Variants in ZFHX3 observed in about 807,000 individuals in gnomAD.
The protein encoded by ZFHX3 is zinc finger homeobox protein 3.
A neutral mutation model predicts 279.1 loss-of-function variants in ZFHX3; 42 were observed. The observed-to-expected ratio is 0.15, with a 90% CI of 0.12 to 0.19. ZFHX3 has a LOEUF of 0.19. Among genes scored for constraint, ZFHX3 ranks in the 10% least tolerant of loss-of-function variants. ZFHX3 has a pLI of 1.00. For synonymous variants in ZFHX3, 2,293 were observed against 1,957.8 expected, an observed-to-expected ratio of 1.17 and a Z score of -4.52; for missense variants, 4,981 against 4,754.0, an observed-to-expected ratio of 1.05 and a Z score of -1.40.
At chr16:72,895,722 G>A (rs1475107693) in intron 3 of ZFHX3, among the ~76,000 whole-genome samples, 1 of 152,194 alleles carries the variant, frequency 6.6e-6, no homozygotes, top group Non-Finnish European at 1.5e-5. Flanking sequence ...TACTTGGGAG[G>A]CTGAGGCAGG....
intron 4 of ZFHX3, among the ~76,000 whole-genome samples, chr16:73,268,190 G>A (rs944204761): frequency 6.6e-6 from 1 of 152,120 alleles, no homozygotes; most frequent in Non-Finnish European, 1.5e-5. Flanking sequence ...GGTTTTGTAA[G>A]AAGCATGGTG....
At chr16:72,838,017 G>A (rs1020948248) in intron 4 of ZFHX3, among the ~76,000 whole-genome samples, 4 of 152,176 alleles carry the variant, frequency 2.6e-5, no homozygotes, top group African/African-American at 9.7e-5. Context: ...TGGAGTTTCT[G>A]GACAGCTTGA....
At chr16:72,992,865 G>A (rs535819297) in intron 1 of ZFHX3, among the ~76,000 whole-genome samples, 1 of 152,342 alleles carries the variant, frequency 6.6e-6, no homozygotes, top group South Asian at 2.1e-4. Flanking sequence ...GGCCAGGCGC[G>A]ATGGCCCCTG....
chr16:73,466,279 C>T (rs368101491), intron 2 of ZFHX3, among the ~76,000 whole-genome samples: 3 of 152,068 alleles, frequency 2.0e-5, no homozygotes, highest in Non-Finnish European at 4.4e-5. Context: ...CCCAGGAGTT[C>T]GGTACCAGCC....
intron 2 of ZFHX3, among the ~76,000 whole-genome samples, chr16:73,585,050 G>C (rs953846643): frequency 2.6e-5 from 4 of 152,150 alleles, no homozygotes; most frequent in Non-Finnish European, 5.9e-5. Flanking sequence ...AGTCAGAATG[G>C]CAATTATTAA....
rs141067769 is a variant in ZFHX3 at position 73,415,678 on chromosome 16, CCT to C, written c.-1291+40323_-1291+40324del. Among the ~76,000 whole-genome samples the C allele has an allele frequency of 5.3e-3, 807 of 152,316 alleles. 4 individuals carry two copies. The highest frequency in any genetic ancestry group is 0.018 in the African/African-American group (759 of 41,556). ...CCATTTCCTCCCCTTACTGAATTCC[CCT>C]GTCTGTCCCGTCACCGCCCCATGTT... On this transcript the variant is annotated intron_variant, in intron 3 of 17. Coordinates refer to the ZFHX3 transcript ENST00000641206.
rs575029404 is a variant in ZFHX3, at chr16:73,470,075, G to A, written c.-1546-13817C>T. 6.6e-5 allele frequency among the ~76,000 whole-genome samples: 10 copies of A among 152,274 alleles called. No individual in the cohort carries two copies. In the South Asian group the frequency reaches 1.2e-3, roughly 19 times the overall value. On this transcript the variant is annotated intron_variant, in intron 2 of 17. Transcript: ENST00000641206. The stretch of plus-strand genomic sequence containing the variant: ...ATATTCATCACCTTGGGAGGGCACC[G>A]AAATGCAGATTCTTATTCATGAGGT...
chr16:73,750,987 G>A (rs1162225271), intron 1 of ZFHX3, among the ~76,000 whole-genome samples: 3 of 152,156 alleles, frequency 2.0e-5, no homozygotes, highest in Admixed American at 6.5e-5. Flanking sequence ...ACTGGCCTGG[G>A]CATTTTTCTG....
intron 1 of ZFHX3, among the ~76,000 whole-genome samples, chr16:72,964,582 C>T (rs1179230017): frequency 6.6e-6 from 1 of 151,520 alleles, no homozygotes; most frequent in Non-Finnish European, 1.5e-5. Flanking sequence ...AGTAGGATTG[C>T]TAGAGCCCAG....
At chr16:73,004,848 A>G (rs144346187) in intron 1 of ZFHX3, among the ~76,000 whole-genome samples, 1 of 152,280 alleles carries the variant, frequency 6.6e-6, no homozygotes, top group East Asian at 1.9e-4. Context: ...ATATTAACCT[A>G]TATTTTCTTC....
At chr16:73,078,710 T>C (rs1965912164) in intron 8 of ZFHX3, among the ~76,000 whole-genome samples, 1 of 151,456 alleles carries the variant, frequency 6.6e-6, no homozygotes, top group South Asian at 2.1e-4. Flanking sequence ...AGTGGCGCAA[T>C]CTCCACTCAC....
chr16:72,820,093 C>A (rs780350756), intron 5 of ZFHX3, among the ~76,000 whole-genome samples: 14 of 152,110 alleles, frequency 9.2e-5, no homozygotes, highest in Admixed American at 5.2e-4. Flanking sequence ...CTATGCTAGC[C>A]CCCATTTGCA....
intron 1 of ZFHX3, among the ~76,000 whole-genome samples, chr16:73,762,839 A>C (rs1159560753): frequency 1.3e-5 from 2 of 152,116 alleles, no homozygotes; most frequent in African/African-American, 4.8e-5. Flanking sequence ...TGGAGCAGAG[A>C]GAGGGAGAAC....
intron 4 of ZFHX3, among the ~76,000 whole-genome samples, chr16:73,280,521 A>T (rs184645428): frequency 6.6e-6 from 1 of 152,332 alleles, no homozygotes; most frequent in African/African-American, 2.4e-5. Context: ...ACCATCATTA[A>T]TCATCAGGGA....
intron 3 of ZFHX3, among the ~76,000 whole-genome samples, chr16:73,443,397 A>G (rs917278580): frequency 3.9e-5 from 6 of 152,220 alleles, no homozygotes; most frequent in African/African-American, 1.4e-4. Flanking sequence ...AACGATGTAC[A>G]ACTTATTGCC....
rs185810444 is a variant in ZFHX3, at chr16:72,827,121, C to T, written c.3529+2658G>A. Among the ~76,000 whole-genome samples the T allele has an allele frequency of 5.2e-4, 79 of 152,240 alleles. 1 individual carries two copies. In the East Asian group the frequency reaches 0.012, roughly 23 times the overall value. ...TAGTGCCCTTAGCACACAAAATGCA[C>T]GAAACATACGCACCAAACATCATTC... On this transcript the variant is annotated intron_variant, in intron 5 of 9. Transcript: ENST00000268489.
chr16:73,603,002 C>A (rs2052137306), intron 2 of ZFHX3, among the ~76,000 whole-genome samples: 1 of 144,278 alleles, frequency 6.9e-6, no homozygotes, highest in African/African-American at 2.6e-5. Flanking sequence ...GAAAAAGATA[C>A]AGGCCGGGCG....
intron 1 of ZFHX3, among the ~76,000 whole-genome samples, chr16:73,713,980 C>T (rs2053389975): frequency 6.6e-6 from 1 of 152,180 alleles, no homozygotes; most frequent in Admixed American, 6.5e-5. Flanking sequence ...GGAAGCAGAT[C>T]ACCGATACCC....
At position 72,788,598 on chromosome 16, in the gene ZFHX3, C is replaced by G; in HGVS notation, c.9678G>C (p.Leu3226=). The G allele has an allele frequency of 1.2e-6, 2 of 1,613,624 alleles. No individual in the cohort carries two copies. Among genetic ancestry groups the G allele is most frequent in the Admixed American group, 1.7e-5 (1 of 60,006 alleles). The change falls in exon 10 of 10, where the codon CTG becomes CTC. Residue 3226 remains leucine (L), a synonymous_variant. Transcript: ENST00000268489. Reference sequence around the variant, plus strand: ...TGTCCTTGCGTTGCTGCTGCTGTTGCAGTGGGAGCTGTGGTGTGGGTGGCG... The same window carrying G: ...TGTCCTTGCGTTGCTGCTGCTGTTGGAGTGGGAGCTGTGGTGTGGGTGGCG... The part of the protein sequence containing the change: ...AQPPPTPQLP[L]QQQQQRKDKD...
Sources: allele counts gnomAD v4.1 joint callset (sites outside exome capture counted in the v4.1 genomes callset), GRCh38; gene constraint gnomAD v4.1.1; transcripts MANE v1.5; gene names NCBI Gene and HGNC (gene_info 2026-07-23, HGNC 2026-07-21).